AMZ2: variants seen among roughly 807,000 people sequenced by gnomAD.
AMZ2 encodes archaelysin family metallopeptidase 2.
AMZ2 carries 26 observed loss-of-function variants against 36.7 expected under a neutral mutation model. The observed-to-expected ratio is 0.71, with a 90% CI of 0.52 to 0.98. The LOEUF is 0.98. Ranked by LOEUF, AMZ2 falls within the 50% of genes least tolerant of loss-of-function variation. The pLI, the probability that AMZ2 is intolerant of heterozygous loss-of-function variation, is 0.00. For missense variants in AMZ2, 394 were observed against 430.5 expected (o/e 0.92, Z 0.75); for synonymous variants, 144 against 149.1 (o/e 0.97, Z 0.25).
intron 6 of AMZ2, 49 bp from the exon 7 acceptor site, chr17:68,256,765 G>A: frequency 2.5e-6 from 4 of 1,582,978 alleles, no homozygotes; most frequent in Non-Finnish European, 3.4e-6. Flanking sequence ...CTTGCCTGAT[G>A]GTATTTTGCT....
At chr17:68,230,482 C>T (rs1409122622) in intron 1 of AMZ2, among the ~76,000 whole-genome samples, 1 of 152,224 alleles carries the variant, frequency 6.6e-6, no homozygotes, top group Admixed American at 6.5e-5. Context: ...TCAGGCAGCC[C>T]AGATTCAGTG....
At chr17:68,228,853 T>A (rs1568354954) in intron 1 of AMZ2, among the ~76,000 whole-genome samples, 1 of 152,236 alleles carries the variant, frequency 6.6e-6, no homozygotes, top group Non-Finnish European at 1.5e-5. Flanking sequence ...GCAGCCTACA[T>A]CCACAGCGGG....
Position 68,256,884 on chromosome 17 carries a change from A to T in AMZ2, c.998A>T (p.Asp333Val), listed in dbSNP as rs2074948940. 6.2e-7 allele frequency: 1 copy of T among 1,614,098 alleles called. No homozygotes were observed. Among genetic ancestry groups the T allele is most frequent in the Non-Finnish European group, 8.5e-7 (1 of 1,180,040 alleles). Reference sequence around the variant, plus strand: ...GCAACTCCAGAACACAGTCACGAGGATAATGGGAATTTACCGAAACCCGTG... The same window carrying T: ...GCAACTCCAGAACACAGTCACGAGGTTAATGGGAATTTACCGAAACCCGTG... Reference protein sequence around the residue: ...PGATPEHSHEDNGNLPKPVEA... With the variant: ...PGATPEHSHEVNGNLPKPVEA... The change falls in exon 7 of 7, where the codon GAT becomes GTT. Residue 333 changes from aspartate to valine, a missense_variant. Transcript: ENST00000359904.
At chr17:68,231,126 T>C (rs1173059018) in intron 1 of AMZ2, among the ~76,000 whole-genome samples, 1 of 151,970 alleles carries the variant, frequency 6.6e-6, no homozygotes, top group Non-Finnish European at 1.5e-5. Context: ...TGCAGTGGTG[T>C]GACCATGGCT....
At chr17:68,243,904 G>T (rs1323233349), upstream of AMZ2, among the ~76,000 whole-genome samples, 38 of 152,130 alleles carry the variant, frequency 2.5e-4, no homozygotes, top group African/African-American at 9.2e-4. Context: ...AATTGGGAGG[G>T]GGAAGAACTA....
At chr17:68,246,022 T>C (rs1296181566), upstream of AMZ2, among the ~76,000 whole-genome samples, 2 of 151,918 alleles carry the variant, frequency 1.3e-5, no homozygotes, top group Non-Finnish European at 1.5e-5. Context: ...AGATGTGCTG[T>C]AGGTGGGGCG....
chr17:68,209,604 G>GTA (rs1290967627), intron 1 of AMZ2, among the ~76,000 whole-genome samples: 1 of 117,756 alleles, frequency 8.5e-6, no homozygotes, highest in Non-Finnish European at 1.7e-5. Context: ...GTGTGTGTGT[G>GTA]TATATGTATA....
intron 1 of AMZ2, among the ~76,000 whole-genome samples, chr17:68,207,896 T>C (rs568091942): frequency 4.5e-4 from 68 of 151,324 alleles, no homozygotes; most frequent in Admixed American, 5.3e-4. Context: ...CGAGCGGTGC[T>C]TGCGGGCCAG....
upstream of AMZ2, chr17:68,247,823 G>C (rs556416400): frequency 9.3e-5 from 92 of 985,584 alleles, no homozygotes; most frequent in East Asian, 4.3e-3. Flanking sequence ...GGCGACTGCG[G>C]GGGTGGACAG....
intron 1 of AMZ2, among the ~76,000 whole-genome samples, chr17:68,222,047 TAGAAGG>T (rs1555728698): frequency 6.6e-6 from 1 of 152,118 alleles, no homozygotes; most frequent in African/African-American, 2.4e-5. Flanking sequence ...GCAATGGAAT[TAGAAGG>T]AGGTGAATGA....
intron 1 of AMZ2, among the ~76,000 whole-genome samples, chr17:68,214,660 CT>C (rs1323957082): frequency 1.3e-5 from 2 of 152,152 alleles, no homozygotes; most frequent in Non-Finnish European, 2.9e-5. Flanking sequence ...TCAACTTCAC[CT>C]TCCTTTTTAG....
At chr17:68,252,020 CT>C (rs77277694) in intron 4 of AMZ2, among the ~76,000 whole-genome samples, 463 of 143,898 alleles carry the variant, frequency 3.2e-3, no homozygotes, top group Non-Finnish European at 3.7e-3. Context: ...TATTTTTAAC[CT>C]TTTTTTTTTT....
upstream of AMZ2, chr17:68,247,870 G>C (rs1467112591): frequency 1.0e-6 from 1 of 985,418 alleles, no homozygotes; most frequent in Non-Finnish European, 1.2e-6. Context: ...CTCTATTCTG[G>C]AAGAGGCGGG....
chr17:68,206,237 A>G, exon 1 of AMZ2: 1 of 1,301,052 alleles, frequency 7.7e-7, no homozygotes, highest in Non-Finnish European at 9.8e-7. Flanking sequence ...GCAGCACTCC[A>G]GGTACCCACC....
At position 68,254,592 on chromosome 17, in the gene AMZ2, G is replaced by A. The variant is rs3752640; in HGVS notation, c.750+25G>A. 1.7e-4 allele frequency: 276 copies of A among 1,579,852 alleles called. 2 individuals carry two copies. The East Asian group carries it at 5.6e-3, about 32-fold the overall frequency. ...GGTAAGTTATTACAAAAATCTGACA[G>A]GACAGTTCTTTAAAAGAGATCTTAG... On this transcript the variant is annotated intron_variant, in intron 5 of 6. Transcript: ENST00000359904.
chr17:68,254,405 T>C lies in AMZ2; in HGVS notation c.588T>C (p.Gly196=). ...TCACTGTTTGTCCTTTTTTTGTAGG[T>C]GTGGGGATATTCAGCTTTGCCAGGT... ...FVFGQASLTD[G]VGIFSFARYG... The change falls in exon 5 of 7, where the codon GGT becomes GGC. Residue 196 remains glycine (G), a splice_region_variant and synonymous_variant. Transcript: ENST00000359904. 6.2e-7 allele frequency: 1 copy of C among 1,611,146 alleles called. No individual in the cohort carries two copies. Among genetic ancestry groups the C allele is most frequent in the Non-Finnish European group, 8.5e-7 (1 of 1,179,448 alleles).
upstream of AMZ2, chr17:68,246,762 G>T (rs1296301357): frequency 6.6e-6 from 1 of 152,228 alleles, no homozygotes; most frequent in Non-Finnish European, 1.5e-5. Flanking sequence ...CCTCGAAGTT[G>T]AAAGGTTCAG....
intron 1 of AMZ2, among the ~76,000 whole-genome samples, chr17:68,230,175 C>T (rs2073624142): frequency 6.6e-6 from 1 of 152,108 alleles, no homozygotes; most frequent in South Asian, 2.1e-4. Context: ...CAGGTTTAAG[C>T]AGTTCTCCTG....
upstream of AMZ2, among the ~76,000 whole-genome samples, chr17:68,246,422 G>A (rs535631704): frequency 6.6e-6 from 1 of 152,164 alleles, no homozygotes; most frequent in South Asian, 2.1e-4. Context: ...TACAAAAGAG[G>A]TCAAGTAGTT....
Sources: gnomAD v4.1 joint callset for allele counts (sites outside exome capture counted in the v4.1 genomes callset) on GRCh38, gnomAD v4.1.1 for gene constraint, MANE v1.5 for transcripts, NCBI Gene and HGNC (gene_info 2026-07-23, HGNC 2026-07-21) for gene names.